The following CBX7 variants were observed in gnomAD, a reference collection of about 807,000 sequenced individuals.
The protein encoded by CBX7 is chromobox 7.
Under a neutral mutation model 31.4 loss-of-function variants are expected in CBX7, and 14 were observed. The observed-to-expected ratio is 0.45, with a 90% CI of 0.29 to 0.70. CBX7 has a LOEUF of 0.70. Ranked by LOEUF, CBX7 falls within the 30% of genes least tolerant of loss-of-function variation. CBX7 has a pLI of 0.11. For missense variants in CBX7, 269 were observed against 351.9 expected (o/e 0.76, Z 1.89); for synonymous variants, 159 against 152.6 (o/e 1.04, Z -0.31).
intron 4 of CBX7, 133 bp from the exon 5 acceptor site, chr22:39,134,885 G>A (rs1024144712): frequency 2.0e-5 from 13 of 647,936 alleles, no homozygotes; most frequent in East Asian, 8.6e-5. Context: ...CCCATGCCAC[G>A]GCTGGCCATC....
chr22:39,149,350 G>C (rs1048181423), intron 2 of CBX7: 2 of 198,642 alleles, frequency 1.0e-5, no homozygotes, highest in African/African-American at 4.7e-5. Flanking sequence ...GGAAAGTGCC[G>C]TCTAGAGGTG....
In CBX7 at chr22:39,131,904, G is replaced by A. The variant is rs139383; in HGVS notation, c.*1987C>T. On this transcript the variant is annotated 3_prime_UTR_variant, in exon 6 of 6. Transcript: ENST00000216133. ...ACAACCCTCTATCATCTTTACCTCC[G>A]CTGGGCACCCCTCTCCTGGAAGAGT... The A allele has an allele frequency of 0.48, 72,565 of 152,042 alleles. 18,380 individuals carry two copies. Among genetic ancestry groups the A allele is most frequent in the African/African-American group, 0.64 (26,701 of 41,444 alleles). 9.4% of individuals were successfully genotyped at this position (152,042 alleles called of 1,614,324 possible).
chr22:39,141,974 G>A (rs1930473709), intron 2 of CBX7, among the ~76,000 whole-genome samples: 1 of 152,138 alleles, frequency 6.6e-6, no homozygotes, highest in Non-Finnish European at 1.5e-5. Context: ...CCAACTCCTT[G>A]TTAGACTCCA....
intron 5 of CBX7, 160 bp from the exon 6 acceptor site, chr22:39,134,208 C>T (rs1046078940): frequency 3.5e-6 from 3 of 858,446 alleles, no homozygotes; most frequent in East Asian, 2.7e-5. Flanking sequence ...CTGGGTGCAT[C>T]CTCCCCACCT....
chr22:39,137,913 G>T (rs897865437), intron 4 of CBX7, among the ~76,000 whole-genome samples: 3 of 152,092 alleles, frequency 2.0e-5, no homozygotes, highest in African/African-American at 7.2e-5. Flanking sequence ...TGGGCGCGGT[G>T]GCTCACGCCT....
chr22:39,135,990 T>A (rs891062371), intron 4 of CBX7: 3 of 149,166 alleles, frequency 2.0e-5, no homozygotes, highest in African/African-American at 7.5e-5. Context: ...CTTGGGAGGC[T>A]AAGGCAGGAC....
chr22:39,141,146 G>C (rs960991898), intron 3 of CBX7: 2 of 516,950 alleles, frequency 3.9e-6, no homozygotes, highest in South Asian at 2.1e-5. Flanking sequence ...GCCCGGGTGG[G>C]TAAAGGAAGT....
At chr22:39,139,657 C>A (rs1311461807) in intron 3 of CBX7, among the ~76,000 whole-genome samples, 1 of 141,662 alleles carries the variant, frequency 7.1e-6, no homozygotes, top group Admixed American at 7.2e-5. Context: ...GAGCCGAGAT[C>A]GCGCCACTGC....
At chr22:39,135,865 G>C (rs754068062) in intron 4 of CBX7, 2 of 152,178 alleles carry the variant, frequency 1.3e-5, no homozygotes, top group Non-Finnish European at 2.9e-5. Context: ...CGAGGCAGCT[G>C]GATCACCAGA....
intron 4 of CBX7, among the ~76,000 whole-genome samples, chr22:39,137,103 G>C (rs1424467547): frequency 6.6e-6 from 1 of 152,152 alleles, no homozygotes; most frequent in Admixed American, 6.5e-5. Flanking sequence ...CAGGTGAAGA[G>C]GCTTACCTAC....
chr22:39,136,395 AGG>A (rs1225479137), intron 4 of CBX7: 1 of 152,330 alleles, frequency 6.6e-6, no homozygotes, highest in Non-Finnish European at 1.5e-5. Flanking sequence ...TTCCCAGGCT[AGG>A]GCATAAAAGA....
chr22:39,147,605 T>C (rs1442888588), intron 2 of CBX7: 1 of 148,604 alleles, frequency 6.7e-6, no homozygotes, highest in Non-Finnish European at 1.5e-5. Context: ...GCTCCCCTGC[T>C]TCTCCCCCAG....
Position 39,138,544 on chromosome 22 carries a change from A to G in CBX7, c.246+92T>C. The G allele has an allele frequency of 3.4e-6, 4 of 1,178,390 alleles. No individual in the cohort carries two copies. In the Admixed American group the frequency reaches 6.7e-5, roughly 20 times the overall value. 73.0% of individuals were successfully genotyped at this position (1,178,390 alleles called of 1,614,324 possible). ...TGGTACAGGCGAGGGGACACAGATC[A>G]GCTCAATCAGCCAGTGCAAATGCAC... is the stretch of plus-strand genomic sequence containing the variant. On this transcript the variant is annotated intron_variant, in intron 4 of 5. Transcript: ENST00000216133.
chr22:39,147,045 G>C (rs1420337856), intron 2 of CBX7: 3 of 149,966 alleles, frequency 2.0e-5, no homozygotes, highest in Non-Finnish European at 4.4e-5. Flanking sequence ...AAACAGGCAA[G>C]GCATGTAGTG....
chr22:39,143,396 T>A (rs1930529399), intron 2 of CBX7, among the ~76,000 whole-genome samples: 2 of 152,216 alleles, frequency 1.3e-5, no homozygotes, highest in African/African-American at 4.8e-5. Context: ...GTTTATGTTT[T>A]AAGCTAAGTG....
chr22:39,142,219 T>C (rs1930484287), intron 2 of CBX7, among the ~76,000 whole-genome samples: 1 of 152,156 alleles, frequency 6.6e-6, no homozygotes, highest in South Asian at 2.1e-4. Flanking sequence ...ATTCCAAGTG[T>C]TTAGAGGGTG....
chr22:39,152,520 G>T lies in CBX7; in HGVS notation c.-76C>A. 1 of 642,062 alleles carries T rather than the reference G, an allele frequency of 1.6e-6. No individual in the cohort carries two copies. The highest frequency in any genetic ancestry group is 1.9e-6 in the Non-Finnish European group (1 of 517,212). 39.8% of individuals were successfully genotyped at this position (642,062 alleles called of 1,614,324 possible). ...CTGCGGGGCCGCGGCTGCGGCGCGC[G>T]ATGCTGGGGCTGGCGGGGTCCCCGT... On this transcript the variant is annotated 5_prime_UTR_variant, in exon 1 of 6. Coordinates refer to ENST00000216133, the MANE Select transcript of CBX7 (RefSeq NM_175709.5). This position sits in a 1 kb window ranked among gnomAD's most constrained non-coding sequence, Gnocchi z 4.9.
In CBX7 at chr22:39,130,965, T is replaced by C. The variant is rs1207770049; in HGVS notation, c.*2926A>G. On this transcript the variant is annotated 3_prime_UTR_variant, in exon 6 of 6. Transcript: ENST00000216133. ...GCAAAGGCATGTGCTTGGAATCAAC[T>C]CGTGCCCCCGACCCCTCCCAGATAC... is the stretch of plus-strand genomic sequence containing the variant. 2 of 152,588 alleles carry C rather than the reference T, an allele frequency of 1.3e-5. No homozygotes were observed. The highest frequency in any genetic ancestry group is 4.8e-5 in the African/African-American group (2 of 41,408). The allele number at this position is 152,588 out of a possible 1,614,324, so 9.5% of individuals were successfully genotyped here.
chr22:39,142,259 C>T (rs907176425), intron 2 of CBX7, among the ~76,000 whole-genome samples: 1 of 152,144 alleles, frequency 6.6e-6, no homozygotes. Flanking sequence ...CCTGATGTGT[C>T]GTCAGCGCAC....
Sources: allele counts gnomAD v4.1 joint callset (sites outside exome capture counted in the v4.1 genomes callset), GRCh38; gene constraint gnomAD v4.1.1; non-coding constraint Gnocchi (gnomAD v3.1); transcripts MANE v1.5; gene names NCBI Gene and HGNC (gene_info 2026-07-23, HGNC 2026-07-21).